Variants in ATOSA observed in about 807,000 individuals in gnomAD.
ATOSA encodes the protein atos homolog A.
chr15:52,591,912 G>A, the ATOSA span, among the ~76,000 whole-genome samples: 2 of 152,284 alleles, frequency 1.3e-5, no homozygotes, highest in African/African-American at 4.8e-5. Context: ...ATGACCCACA[G>A]ATGTGAACGT....
the ATOSA span, chr15:52,608,915 G>T: frequency 1.2e-6 from 2 of 1,606,824 alleles, no homozygotes; most frequent in South Asian, 2.2e-5. Context: ...AAGAATTTTG[G>T]ATTATAGTTC....
the ATOSA span, among the ~76,000 whole-genome samples, chr15:52,589,723 A>G: frequency 6.6e-6 from 1 of 152,182 alleles, no homozygotes; most frequent in African/African-American, 2.4e-5. Context: ...ATTGATCAGC[A>G]TATTAATATT....
chr15:52,635,095 G>A, the ATOSA span, among the ~76,000 whole-genome samples: 6 of 152,162 alleles, frequency 3.9e-5, no homozygotes, highest in African/African-American at 7.2e-5. Flanking sequence ...CACCAAGGGC[G>A]TATAACAGCC....
the ATOSA span, among the ~76,000 whole-genome samples, chr15:52,645,107 C>G: frequency 6.6e-6 from 1 of 152,144 alleles, no homozygotes; most frequent in African/African-American, 2.4e-5. Flanking sequence ...AGGGGGCAGT[C>G]GTATGGAGAG....
chr15:52,625,655 G>T, the ATOSA span, among the ~76,000 whole-genome samples: 6 of 151,958 alleles, frequency 3.9e-5, no homozygotes, highest in Non-Finnish European at 8.8e-5. Context: ...AAACACCAAA[G>T]TTCAAAATTA....
At chr15:52,588,042 G>A in the ATOSA span, among the ~76,000 whole-genome samples, 4 of 152,184 alleles carry the variant, frequency 2.6e-5, no homozygotes, top group African/African-American at 9.7e-5. Context: ...TTAGGGTCAT[G>A]TCACTAGAGA....
the ATOSA span, among the ~76,000 whole-genome samples, chr15:52,699,760 T>C: frequency 2.4e-4 from 37 of 152,214 alleles, no homozygotes; most frequent in African/African-American, 8.7e-4. Context: ...TGATATCAAG[T>C]GGGAGTGTGC....
the ATOSA span, among the ~76,000 whole-genome samples, chr15:52,705,762 A>G: frequency 6.6e-6 from 1 of 152,166 alleles, no homozygotes; most frequent in Admixed American, 6.5e-5. Context: ...CAGCCCCACC[A>G]TCTCACTCCC....
At chr15:52,592,124 T>C in the ATOSA span, among the ~76,000 whole-genome samples, 3 of 152,206 alleles carry the variant, frequency 2.0e-5, no homozygotes, top group Non-Finnish European at 2.9e-5. Flanking sequence ...TGTTTCTCAA[T>C]TGTATAGATG....
chr15:52,627,169 C>G, the ATOSA span, among the ~76,000 whole-genome samples: 1 of 152,104 alleles, frequency 6.6e-6, no homozygotes, highest in African/African-American at 2.4e-5. Flanking sequence ...CTGATACTTT[C>G]AAAGTTGCAA....
chr15:52,703,131 T>C, the ATOSA span, among the ~76,000 whole-genome samples: 312 of 152,318 alleles, frequency 2.0e-3, no homozygotes, highest in African/African-American at 7.2e-3. Context: ...AGAATCACTA[T>C]GCTGAAAGAA....
At chr15:52,659,804 C>G in the ATOSA span, among the ~76,000 whole-genome samples, 1 of 151,916 alleles carries the variant, frequency 6.6e-6, no homozygotes. Flanking sequence ...GCCAGGAGTT[C>G]AAGACCATCT....
chr15:52,700,871 T>C, the ATOSA span, among the ~76,000 whole-genome samples: 1 of 152,238 alleles, frequency 6.6e-6, no homozygotes, highest in African/African-American at 2.4e-5. Flanking sequence ...TATCCCTTGT[T>C]CTTGGTTAGA....
the ATOSA span, among the ~76,000 whole-genome samples, chr15:52,619,370 A>G: frequency 6.6e-6 from 1 of 152,224 alleles, no homozygotes; most frequent in African/African-American, 2.4e-5. Context: ...GAAATATGTC[A>G]GGCTAAAGAG....
chr15:52,616,143 G>A, the ATOSA span, among the ~76,000 whole-genome samples: 9 of 152,156 alleles, frequency 5.9e-5, no homozygotes, highest in East Asian at 1.9e-4. Context: ...ATAACCACTC[G>A]TACAGACGTT....
chr15:52,667,816 A>AT, the ATOSA span, among the ~76,000 whole-genome samples: 1 of 152,234 alleles, frequency 6.6e-6, no homozygotes, highest in Non-Finnish European at 1.5e-5. Flanking sequence ...CATGTTCAAC[A>AT]TTACTAATAA....
chr15:52,676,284 G>A, the ATOSA span, among the ~76,000 whole-genome samples: 2 of 151,990 alleles, frequency 1.3e-5, no homozygotes, highest in East Asian at 1.9e-4. Context: ...CTGTTTTCTC[G>A]TTAAGAGTTG....
chr15:52,620,560 G>C, the ATOSA span, among the ~76,000 whole-genome samples: 1 of 152,222 alleles, frequency 6.6e-6, no homozygotes, highest in Non-Finnish European at 1.5e-5. Context: ...AAGCCTGCCA[G>C]AGAAGGAGAA....
the ATOSA span, among the ~76,000 whole-genome samples, chr15:52,688,983 C>G: frequency 1.3e-5 from 2 of 152,220 alleles, no homozygotes; most frequent in African/African-American, 4.8e-5. Context: ...TTGGGAAATT[C>G]ACAGTGCCAT....
Sources: allele counts gnomAD v4.1 joint callset (sites outside exome capture counted in the v4.1 genomes callset), GRCh38; gene constraint gnomAD v4.1.1; transcripts MANE v1.5; gene names NCBI Gene and HGNC (gene_info 2026-07-23, HGNC 2026-07-21).